Variants in PCLO observed in about 807,000 individuals in gnomAD.
The protein encoded by PCLO is piccolo presynaptic cytomatrix protein.
PCLO carries 82 observed loss-of-function variants against 427.5 expected under a neutral mutation model. The ratio of observed to expected loss-of-function variants is 0.19; its 90% CI spans 0.16 to 0.23. The LOEUF is 0.23. PCLO is among the 10% of genes least tolerant of loss of function. The pLI, the probability that PCLO is intolerant of heterozygous loss-of-function variation, is 1.00. For missense variants in PCLO, 6,239 were observed against 6,115.9 expected, an observed-to-expected ratio of 1.02 and a Z score of -0.67; for synonymous variants, 2,357 against 2,155.4, an observed-to-expected ratio of 1.09 and a Z score of -2.59.
chr7:82,834,898 GT>G (rs1792188144), intron 16 of PCLO, among the ~76,000 whole-genome samples: 1 of 151,888 alleles, frequency 6.6e-6, no homozygotes, highest in African/African-American at 2.4e-5. Flanking sequence ...GCATGAAAAT[GT>G]TTCAACATTA....
chr7:82,951,947 A>G lies in PCLO; in HGVS notation c.9006T>C (p.Ala3002=). Residue 3002 remains alanine, a synonymous_variant, in exon 5 of 25, where the codon GCT becomes GCC. Transcript: ENST00000333891. ...PSMSDTNLAE[A]GHFFYKSKNA... is the part of the protein sequence containing the mutation. ...TCTTACTTTTATAGAAAAAATGTCC[A>G]GCTTCTGCTAAATTTGTGTCAGACA... 3 of 1,613,956 alleles carry G rather than the reference A, an allele frequency of 1.9e-6. No homozygotes were observed. The highest frequency in any genetic ancestry group is 2.5e-6 in the Non-Finnish European group (3 of 1,179,854).
At position 82,826,407 on chromosome 7, in the gene PCLO, G is replaced by A. The variant is rs191040927; in HGVS notation, c.14415+182C>T. ...TATAAAGTACATCAAGTGATAGAGT[G>A]AAAACCATTTCTTGAATTGGTATTA... On this transcript the variant is annotated intron_variant, in intron 18 of 24. Coordinates refer to ENST00000333891, the MANE Select transcript of PCLO (RefSeq NM_033026.6). Among the ~76,000 whole-genome samples the A allele has an allele frequency of 7.4e-4, 112 of 152,204 alleles. 3 individuals carry two copies. In the East Asian group the frequency reaches 0.019, roughly 26 times the overall value.
At chr7:82,783,502 G>A (rs1177628122) in intron 22 of PCLO, among the ~76,000 whole-genome samples, 1 of 152,058 alleles carries the variant, frequency 6.6e-6, no homozygotes, top group Non-Finnish European at 1.5e-5. Flanking sequence ...GGCTCCTGTA[G>A]TGCCAGCTAC....
At chr7:82,885,937 T>C (rs2116084211) in intron 9 of PCLO, among the ~76,000 whole-genome samples, 1 of 152,256 alleles carries the variant, frequency 6.6e-6, no homozygotes, top group East Asian at 1.9e-4. Flanking sequence ...GAGTCTCCTG[T>C]CTGGTTTATG....
intron 5 of PCLO, 130 bp from the exon 6 acceptor site, chr7:82,951,620 T>C (rs894085321): frequency 3.5e-6 from 3 of 852,326 alleles, no homozygotes; most frequent in Admixed American, 2.9e-5. Context: ...CCTAATTATA[T>C]GCGGAATGAA....
chr7:83,007,241 A>G (rs573909687), intron 3 of PCLO, among the ~76,000 whole-genome samples: 8 of 151,692 alleles, frequency 5.3e-5, no homozygotes, highest in African/African-American at 1.9e-4. Flanking sequence ...GGAAAAAAGT[A>G]TAGAAACACA....
chr7:82,937,198 T>C (rs1454113786), intron 6 of PCLO, among the ~76,000 whole-genome samples: 1 of 151,728 alleles, frequency 6.6e-6, no homozygotes, highest in East Asian at 1.9e-4. Context: ...AAAGGTATCA[T>C]TACTGTCCAA....
At chr7:83,007,133 G>C (rs1787965978) in intron 3 of PCLO, among the ~76,000 whole-genome samples, 1 of 151,504 alleles carries the variant, frequency 6.6e-6, no homozygotes, top group Admixed American at 6.6e-5. Context: ...TATTGGAATA[G>C]TGATATGGAC....
intron 6 of PCLO, among the ~76,000 whole-genome samples, chr7:82,920,460 T>A (rs570114122): frequency 6.6e-6 from 1 of 151,770 alleles, no homozygotes; most frequent in South Asian, 2.1e-4. Context: ...TAAAGTATTT[T>A]AAAATACCTG....
intron 3 of PCLO, among the ~76,000 whole-genome samples, chr7:83,018,655 T>C (rs1001477439): frequency 6.6e-6 from 1 of 152,056 alleles, no homozygotes; most frequent in Non-Finnish European, 1.5e-5. Context: ...ACATGTTAAA[T>C]ATTCTTAATA....
chr7:82,835,317 A>G (rs1346899681), intron 16 of PCLO, among the ~76,000 whole-genome samples: 1 of 152,216 alleles, frequency 6.6e-6, no homozygotes, highest in Non-Finnish European at 1.5e-5. Context: ...TATTTTTAAT[A>G]GAAGACTCGA....
chr7:82,867,705 T>C (rs1261030255), intron 10 of PCLO, among the ~76,000 whole-genome samples: 1 of 152,206 alleles, frequency 6.6e-6, no homozygotes, highest in African/African-American at 2.4e-5. Flanking sequence ...TCAACCTTGA[T>C]GAAGGCAATC....
chr7:82,834,114 T>C (rs1038702786), intron 16 of PCLO, among the ~76,000 whole-genome samples: 28 of 152,274 alleles, frequency 1.8e-4, no homozygotes, highest in African/African-American at 5.3e-4. Context: ...AAATAGTTAT[T>C]TAAGACATGG....
At chr7:82,972,110 A>T (rs1334675561) in intron 3 of PCLO, among the ~76,000 whole-genome samples, 2 of 151,998 alleles carry the variant, frequency 1.3e-5, no homozygotes. Flanking sequence ...GACAAGTAGA[A>T]TATGTAAAAT....
chr7:82,951,315 A>G lies in PCLO; in HGVS notation c.9273T>C (p.Ser3091=). 2 of 1,612,448 alleles carry G rather than the reference A, an allele frequency of 1.2e-6. No individual in the cohort carries two copies. The highest frequency in any genetic ancestry group is 1.7e-6 in the Non-Finnish European group (2 of 1,179,238). Residue 3091 remains serine (S), a synonymous_variant, in exon 6 of 25, where the codon TCT becomes TCC. Transcript: ENST00000333891. ...TAGAGGGTGTTGGAGTTGCTACTGAAGAATAGACAACACCATTAGATGACC... is the reference window on the plus strand; with the variant it reads ...TAGAGGGTGTTGGAGTTGCTACTGAGGAATAGACAACACCATTAGATGACC... The part of the protein sequence containing the change: ...VLRSSNGVVY[S]SVATPTPSTF...
intron 6 of PCLO, among the ~76,000 whole-genome samples, chr7:82,928,460 G>C (rs559602356): frequency 1.3e-5 from 2 of 152,210 alleles, no homozygotes; most frequent in South Asian, 4.1e-4. Flanking sequence ...GCAGTGGCAT[G>C]ACCTCCACCT....
At chr7:83,154,717 G>A (rs1312335512) in intron 2 of PCLO, 31 bp downstream of exon 2, 3 of 1,470,902 alleles carry the variant, frequency 2.0e-6, no homozygotes, top group Non-Finnish European at 2.9e-6. Flanking sequence ...TATGGCTGAA[G>A]AGTATGGACT....
At chr7:83,106,647 A>C (rs1790864401) in intron 3 of PCLO, among the ~76,000 whole-genome samples, 1 of 152,138 alleles carries the variant, frequency 6.6e-6, no homozygotes, top group Admixed American at 6.6e-5. Context: ...TTTTAATCAA[A>C]ATTTTATATG....
At chr7:83,110,124 A>G (rs1790965984) in intron 3 of PCLO, among the ~76,000 whole-genome samples, 1 of 151,338 alleles carries the variant, frequency 6.6e-6, no homozygotes, top group East Asian at 1.9e-4. Flanking sequence ...CTTACAATGT[A>G]CCATGTTTTC....
Sources: gnomAD v4.1 joint callset for allele counts (sites outside exome capture counted in the v4.1 genomes callset) on GRCh38, gnomAD v4.1.1 for gene constraint, MANE v1.5 for transcripts, NCBI Gene and HGNC (gene_info 2026-07-23, HGNC 2026-07-21) for gene names.